PCDHGB7: variants seen among roughly 807,000 people sequenced by gnomAD.
PCDHGB7 encodes the protein protocadherin gamma-B7.
A neutral mutation model predicts 61.4 loss-of-function variants in PCDHGB7; 37 were observed. The observed-to-expected ratio is 0.60, with a 90% CI of 0.46 to 0.79. PCDHGB7 has a LOEUF of 0.79. Ranked by LOEUF, PCDHGB7 falls within the 30% of genes least tolerant of loss-of-function variation. PCDHGB7 has a pLI of 0.00. For synonymous variants in PCDHGB7, 464 were observed against 503.5 expected, an observed-to-expected ratio of 0.92 and a Z score of 1.05; for missense variants, 1,166 against 1,202.5, an observed-to-expected ratio of 0.97 and a Z score of 0.45.
intron 1 of PCDHGB7, chr5:141,478,450 AGCCAGTCCACTGGCCAGCC>A (rs1562070520): frequency 6.2e-7 from 1 of 1,613,572 alleles, no homozygotes. Context: ...AACCTGGTGC[AGCCAGTCCACTGGCCAGCC>A]GCCAGAACAC....
At chr5:141,456,220 T>C (rs965297694) in intron 1 of PCDHGB7, among the ~76,000 whole-genome samples, 1 of 152,098 alleles carries the variant, frequency 6.6e-6, no homozygotes, top group Admixed American at 6.6e-5. Context: ...TGTGGCGATA[T>C]CAAACTAACT....
chr5:141,437,794 G>C (rs1162440523), intron 1 of PCDHGB7, among the ~76,000 whole-genome samples: 1 of 150,526 alleles, frequency 6.6e-6, no homozygotes, highest in Non-Finnish European at 1.5e-5. Context: ...CTGGAGTGCA[G>C]TGGCACTATC....
chr5:141,510,854 T>A, intron 3 of PCDHGB7, 93 bp from the exon 4 acceptor site: 1 of 1,602,320 alleles, frequency 6.2e-7, no homozygotes, highest in East Asian at 2.2e-5. Context: ...CCCAGGGTGC[T>A]GTATAGGCAT....
chr5:141,492,873 C>G (rs2099744714), intron 1 of PCDHGB7, among the ~76,000 whole-genome samples: 1 of 152,182 alleles, frequency 6.6e-6, no homozygotes, highest in Non-Finnish European at 1.5e-5. Context: ...CTCTCAACCC[C>G]CAGAGATACA....
chr5:141,497,211 G>T (rs914346878), intron 2 of PCDHGB7, among the ~76,000 whole-genome samples: 12 of 28,538 alleles, frequency 4.2e-4, no homozygotes, highest in African/African-American at 1.1e-3. Context: ...GAGTGTAATG[G>T]GGGGGGGAAG....
Position 141,487,544 on chromosome 5 carries a change from C to A in PCDHGB7, c.2416-7263C>A. 1 of 1,614,190 alleles carries A rather than the reference C, an allele frequency of 6.2e-7. No homozygotes were observed. The highest frequency in any genetic ancestry group is 1.1e-5 in the South Asian group (1 of 91,088). On this transcript the variant is annotated intron_variant, in intron 1 of 3. Transcript: ENST00000398594. This position sits in a 1 kb window ranked among gnomAD's most constrained non-coding sequence, Gnocchi z 5.0. ...TGATAGCTTCATGATGGTGAAGTCA[C>A]CCAGTGCACCTATGGCAGGGGAGCC... is the stretch of plus-strand genomic sequence containing the variant.
chr5:141,480,710 T>C (rs1174000425), intron 1 of PCDHGB7, among the ~76,000 whole-genome samples: 1 of 152,042 alleles, frequency 6.6e-6, no homozygotes, highest in East Asian at 1.9e-4. Context: ...CCCCGACAAA[T>C]GAAAGCACAG....
At chr5:141,510,906 C>G in intron 3 of PCDHGB7, 41 bp from the exon 4 acceptor site, 1 of 1,613,582 alleles carries the variant, frequency 6.2e-7, no homozygotes, top group Non-Finnish European at 8.5e-7. Context: ...TGTTGAGGAC[C>G]CTAAGTTTAG....
In PCDHGB7 at chr5:141,418,184, G is replaced by A; in HGVS notation, c.325G>A (p.Val109Met). 6.2e-7 allele frequency: 1 copy of A among 1,614,096 alleles called. No individual in the cohort carries two copies. Among genetic ancestry groups the A allele is most frequent in the Non-Finnish European group, 8.5e-7 (1 of 1,179,912 alleles). The change falls in exon 1 of 4, where the codon GTG (valine) becomes ATG (methionine). Residue 109 changes from valine (V) to methionine (M), a missense_variant. Val to Met is a conservative substitution (Grantham distance 21). Coordinates refer to ENST00000398594, the MANE Select transcript of PCDHGB7 (RefSeq NM_018927.4). ...RRRCELQLEA[V>M]VENPLNIFHV... is the part of the protein sequence containing the mutation. ...AAGATGTGAGTTGCAATTGGAAGCT[G>A]TGGTGGAAAATCCTTTAAATATTTT...
rs778172652 is a variant in PCDHGB7, at chr5:141,418,978, C to G, written c.1119C>G (p.Asp373Glu). 4 of 1,613,790 alleles carry G rather than the reference C, an allele frequency of 2.5e-6. No individual in the cohort carries two copies. In the South Asian group the frequency reaches 4.4e-5, roughly 18 times the overall value. ...GVVVALFKTR[D>E]QDSGENGEVR... ...TTGTTGCCCTCTTCAAAACACGGGACCAAGACTCAGGGGAAAATGGGGAAG... is the reference window on the plus strand; with the variant it reads ...TTGTTGCCCTCTTCAAAACACGGGAGCAAGACTCAGGGGAAAATGGGGAAG... Residue 373 changes from aspartate (D) to glutamate (E), a missense_variant, in exon 1 of 4, where the codon GAC becomes GAG. Asp to Glu is a conservative substitution (Grantham distance 45, BLOSUM62 2). Coordinates refer to ENST00000398594, the MANE Select transcript of PCDHGB7 (RefSeq NM_018927.4).
Position 141,489,510 on chromosome 5 carries a change from T to A in PCDHGB7, c.2416-5297T>A, listed in dbSNP as rs762210983. 1 of 1,614,124 alleles carries A rather than the reference T, an allele frequency of 6.2e-7. No individual in the cohort carries two copies. The highest frequency in any genetic ancestry group is 1.7e-5 in the Admixed American group (1 of 60,022). On this transcript the variant is annotated intron_variant, in intron 1 of 3. Transcript: ENST00000398594. This position sits in a 1 kb window ranked among gnomAD's most constrained non-coding sequence, Gnocchi z 4.5. Reference sequence around the variant, plus strand: ...GTGCCCTGGCAGTGAATCAAAAGATTGACCGAGAAAGCCTATGTGGAGCCA... The same window carrying A: ...GTGCCCTGGCAGTGAATCAAAAGATAGACCGAGAAAGCCTATGTGGAGCCA...
chr5:141,490,862 C>G lies in PCDHGB7; in HGVS notation c.2416-3945C>G. 1 of 1,613,878 alleles carries G rather than the reference C, an allele frequency of 6.2e-7. No homozygotes were observed. Among genetic ancestry groups the G allele is most frequent in the East Asian group, 2.2e-5 (1 of 44,874 alleles). ...GTGGTGGGGGTTCGAGACTCCGGCTCTCCCCCATTGCATGCCAACACATCT... is the reference window on the plus strand; with the variant it reads ...GTGGTGGGGGTTCGAGACTCCGGCTGTCCCCCATTGCATGCCAACACATCT... On this transcript the variant is annotated intron_variant, in intron 1 of 3. Coordinates refer to ENST00000398594, the MANE Select transcript of PCDHGB7 (RefSeq NM_018927.4). The surrounding 1 kb of genome is among the most constrained non-coding windows in gnomAD (Gnocchi z 5.4).
At chr5:141,438,763 G>C (rs537316602) in intron 1 of PCDHGB7, among the ~76,000 whole-genome samples, 1 of 149,962 alleles carries the variant, frequency 6.7e-6, no homozygotes, top group South Asian at 2.1e-4. Context: ...CTGGGTTCAA[G>C]CGATTCTCCT....
intron 1 of PCDHGB7, among the ~76,000 whole-genome samples, chr5:141,465,505 G>A (rs905617997): frequency 6.6e-6 from 1 of 152,190 alleles, no homozygotes; most frequent in Non-Finnish European, 1.5e-5. Flanking sequence ...CATTGTCGTG[G>A]TCAGGAAGGA....
chr5:141,428,119 C>CCGGGCTTTTCAGCCTGGGGCTGCACA, intron 1 of PCDHGB7: 1 of 1,606,630 alleles, frequency 6.2e-7, no homozygotes, highest in Non-Finnish European at 8.5e-7. Context: ...GCCATCGAGC[C>CCGGGCTTTTCAGCCTGGGGCTGCACA]CGGGCTTTTC....
intron 1 of PCDHGB7, among the ~76,000 whole-genome samples, chr5:141,456,866 G>A (rs2098893781): frequency 6.6e-6 from 1 of 152,170 alleles, no homozygotes; most frequent in African/African-American, 2.4e-5. Flanking sequence ...GGGAGGCTGA[G>A]GCAGGAGAAT....
intron 3 of PCDHGB7, among the ~76,000 whole-genome samples, chr5:141,509,265 C>G (rs1296179995): frequency 1.3e-5 from 2 of 152,138 alleles, no homozygotes; most frequent in African/African-American, 4.8e-5. Flanking sequence ...TTTAGTCACT[C>G]TCGCTACCCG....
chr5:141,426,166 G>A (rs545570121), intron 1 of PCDHGB7: 4 of 155,070 alleles, frequency 2.6e-5, no homozygotes, highest in South Asian at 2.0e-4. Context: ...GATTCCATAC[G>A]GATTGGGGTG....
At chr5:141,422,090 A>T (rs762413085) in intron 1 of PCDHGB7, 1 of 1,611,852 alleles carries the variant, frequency 6.2e-7, no homozygotes, top group East Asian at 2.2e-5. Context: ...ATGGAAAGCA[A>T]GGCTTCTGAA....
Sources: allele counts gnomAD v4.1 joint callset (sites outside exome capture counted in the v4.1 genomes callset), GRCh38; gene constraint gnomAD v4.1.1; non-coding constraint Gnocchi (gnomAD v3.1); transcripts MANE v1.5; gene names NCBI Gene and HGNC (gene_info 2026-07-23, HGNC 2026-07-21).